ATXN1: variants seen among roughly 807,000 people sequenced by gnomAD.
The protein encoded by ATXN1 is ataxin-1.
In ATXN1, 8 loss-of-function variants were observed where a neutral mutation model predicts 56.4. The observed-to-expected ratio is 0.14, with a 90% CI of 0.08 to 0.26. The LOEUF is 0.26. ATXN1 is among the 10% of genes least tolerant of loss of function. The pLI, the probability that ATXN1 is intolerant of heterozygous loss-of-function variation, is 1.00. For missense variants in ATXN1, 987 were observed against 1,106.5 expected (o/e 0.89, Z 1.53); for synonymous variants, 514 against 494.6 (o/e 1.04, Z -0.52).
At chr6:16,626,941 AACTT>A (rs765097117) in intron 3 of ATXN1, among the ~76,000 whole-genome samples, 20 of 152,292 alleles carry the variant, frequency 1.3e-4, no homozygotes, top group Non-Finnish European at 2.4e-4. Flanking sequence ...TTTCATTTCA[AACTT>A]ACTGTCTCTA....
At chr6:16,353,375 TAAC>T (rs564340939) in intron 6 of ATXN1, among the ~76,000 whole-genome samples, 62 of 152,240 alleles carry the variant, frequency 4.1e-4, no homozygotes, top group African/African-American at 1.4e-3. Flanking sequence ...CTGATTCTCT[TAAC>T]AAGCAATTAC....
chr6:16,685,567 C>G (rs546782810), intron 2 of ATXN1, among the ~76,000 whole-genome samples: 2 of 152,264 alleles, frequency 1.3e-5, no homozygotes, highest in Non-Finnish European at 2.9e-5. Flanking sequence ...CTGCTAGAAT[C>G]TGAAGAAAAG....
intron 2 of ATXN1, among the ~76,000 whole-genome samples, chr6:16,697,402 G>T (rs1039482554): frequency 6.6e-6 from 1 of 151,832 alleles, no homozygotes; most frequent in Non-Finnish European, 1.5e-5. Flanking sequence ...TTAAGGAGAC[G>T]CCATTTAGAA....
Position 16,306,659 on chromosome 6 carries a change from G to A in ATXN1, c.2118C>T (p.Val706=). The A allele has an allele frequency of 1.2e-6, 2 of 1,614,242 alleles. No homozygotes were observed. Among genetic ancestry groups the A allele is most frequent in the Non-Finnish European group, 1.7e-6 (2 of 1,180,054 alleles). The change falls in exon 8 of 8, where the codon GTC becomes GTT. Residue 706 remains valine, a synonymous_variant. Transcript: ENST00000436367. This position sits in a 1 kb window ranked among gnomAD's most constrained non-coding sequence, Gnocchi z 5.2. The stretch of plus-strand genomic sequence containing the variant: ...CGTCGGCCTTTGAGTGCTTCAGCAG[G>A]ACGCTGGCGGGATCCACGGGCTGGC... The part of the protein sequence containing the change: ...KKGQPVDPAS[V]LLKHSKADGL...
chr6:16,501,826 G>A (rs1229239309), intron 5 of ATXN1, among the ~76,000 whole-genome samples: 1 of 152,104 alleles, frequency 6.6e-6, no homozygotes, highest in Non-Finnish European at 1.5e-5. Flanking sequence ...ATAATCCTTT[G>A]GGTATATAAC....
At chr6:16,579,705 A>T (rs1309894397) in intron 4 of ATXN1, among the ~76,000 whole-genome samples, 2 of 152,108 alleles carry the variant, frequency 1.3e-5, no homozygotes, top group Admixed American at 1.3e-4. Flanking sequence ...GAAAAAATAC[A>T]GGGTGTTGAA....
chr6:16,589,525 G>A (rs1049823546), intron 3 of ATXN1, among the ~76,000 whole-genome samples: 3 of 151,858 alleles, frequency 2.0e-5, no homozygotes, highest in African/African-American at 4.8e-5. Context: ...TGAAATATAC[G>A]ATTAATAGAG....
In ATXN1 at chr6:16,567,395, A is replaced by G. The variant is rs148013127; in HGVS notation, c.-361+18385T>C. Among the ~76,000 whole-genome samples the G allele has an allele frequency of 2.1e-3, 326 of 152,356 alleles. 1 individual carries two copies. The highest frequency in any genetic ancestry group is 7.1e-3 in the African/African-American group (297 of 41,580). ...GACTGGTATTCACTAAATTTTAACT[A>G]CACTGGCATCAAAGTCTGAGCCTGT... On this transcript the variant is annotated intron_variant, in intron 4 of 7. Coordinates refer to ENST00000436367, the MANE Select transcript of ATXN1 (RefSeq NM_001128164.2).
At chr6:16,465,899 A>G (rs1418038178) in intron 6 of ATXN1, among the ~76,000 whole-genome samples, 1 of 152,196 alleles carries the variant, frequency 6.6e-6, no homozygotes, top group East Asian at 1.9e-4. Context: ...TGAGGTCATG[A>G]GTCCTTGCTT....
intron 2 of ATXN1, among the ~76,000 whole-genome samples, chr6:16,707,360 CT>C (rs1561816808): frequency 6.6e-6 from 1 of 152,152 alleles, no homozygotes; most frequent in South Asian, 2.1e-4. Flanking sequence ...ATCAACTTCT[CT>C]TTTTCTCAAA....
rs528402948 is a variant in ATXN1, at chr6:16,576,218, T to G, written c.-361+9562A>C. ...AATAAGGAATATCATCAGAGAAAGA[T>G]GGACTCCCTAAGTCTCTTTACTTAA... On this transcript the variant is annotated intron_variant, in intron 4 of 7. Coordinates refer to ENST00000436367, the MANE Select transcript of ATXN1 (RefSeq NM_001128164.2). Among the ~76,000 whole-genome samples the G allele has an allele frequency of 5.9e-5, 9 of 152,334 alleles. No homozygotes were observed. In the East Asian group the frequency reaches 1.3e-3, roughly 23 times the overall value.
intron 4 of ATXN1, among the ~76,000 whole-genome samples, chr6:16,533,765 T>A (rs1761546902): frequency 6.6e-6 from 1 of 152,184 alleles, no homozygotes; most frequent in Non-Finnish European, 1.5e-5. Context: ...CGCATATAAC[T>A]GCTTTTAGGT....
chr6:16,684,819 A>G (rs1250864657), intron 2 of ATXN1, among the ~76,000 whole-genome samples: 1 of 151,902 alleles, frequency 6.6e-6, no homozygotes, highest in African/African-American at 2.4e-5. Context: ...TCTTATTAGC[A>G]AGTTAAATGT....
At chr6:16,408,020 A>G (rs1182482188) in intron 6 of ATXN1, among the ~76,000 whole-genome samples, 2 of 152,054 alleles carry the variant, frequency 1.3e-5, no homozygotes, top group Non-Finnish European at 2.9e-5. Flanking sequence ...GGCATGCGGG[A>G]TTGGGGGCAT....
At chr6:16,699,875 T>C (rs1474846544) in intron 2 of ATXN1, among the ~76,000 whole-genome samples, 1 of 152,184 alleles carries the variant, frequency 6.6e-6, no homozygotes, top group East Asian at 1.9e-4. Context: ...AACATTTTTT[T>C]AATGTAAATT....
chr6:16,583,785 G>T (rs1561766441), intron 4 of ATXN1, among the ~76,000 whole-genome samples: 1 of 152,140 alleles, frequency 6.6e-6, no homozygotes, highest in South Asian at 2.1e-4. Flanking sequence ...CCAGGACTGG[G>T]ATTACTCCAC....
chr6:16,376,606 G>A (rs1225586485), intron 6 of ATXN1, among the ~76,000 whole-genome samples: 1 of 152,200 alleles, frequency 6.6e-6, no homozygotes, highest in Non-Finnish European at 1.5e-5. Context: ...AAAGGCAGAG[G>A]CAAATTATGT....
chr6:16,760,632 C>A lies in ATXN1; in HGVS notation c.-730+666G>T, dbSNP rs1471640010. ...GGCTGCAGGAGCAGTCCCTTCCCCG[C>A]CCGCAGCCGCACACCCGGCGAGGCC... is the stretch of plus-strand genomic sequence containing the variant. On this transcript the variant is annotated intron_variant, in intron 1 of 7. Coordinates refer to ENST00000436367, the MANE Select transcript of ATXN1 (RefSeq NM_001128164.2). The surrounding 1 kb of genome is among the most constrained non-coding windows in gnomAD (Gnocchi z 5.3). Among the ~76,000 whole-genome samples, 3 of 151,278 alleles carry A rather than the reference C, an allele frequency of 2.0e-5. No homozygotes were observed. Among genetic ancestry groups the A allele is most frequent in the Middle Eastern group, 6.9e-3 (2 of 288 alleles).
intron 7 of ATXN1, among the ~76,000 whole-genome samples, chr6:16,323,933 CT>C (rs201126960): frequency 1.3e-5 from 2 of 149,316 alleles, no homozygotes; most frequent in Admixed American, 6.7e-5. Context: ...TCCTGATTTT[CT>C]TTTTTTTTTA....
Sources: allele counts gnomAD v4.1 joint callset (sites outside exome capture counted in the v4.1 genomes callset), GRCh38; gene constraint gnomAD v4.1.1; non-coding constraint Gnocchi (gnomAD v3.1); transcripts MANE v1.5; gene names NCBI Gene and HGNC (gene_info 2026-07-23, HGNC 2026-07-21).